TTC4: variants seen among roughly 807,000 people sequenced by gnomAD.
The protein encoded by TTC4 is hsp70/Hsp90 co-chaperone CNS1 homolog.
TTC4 carries 36 observed loss-of-function variants against 51.9 expected under a neutral mutation model. The observed-to-expected ratio is 0.69, with a 90% CI of 0.53 to 0.92. TTC4 has a LOEUF of 0.92. Ranked by LOEUF, TTC4 falls within the 40% of genes least tolerant of loss-of-function variation. The pLI, the probability that TTC4 is intolerant of heterozygous loss-of-function variation, is 0.00. For synonymous variants in TTC4, 144 were observed against 164.2 expected, an observed-to-expected ratio of 0.88 and a Z score of 0.94; for missense variants, 399 against 454.6, an observed-to-expected ratio of 0.88 and a Z score of 1.11.
chr1:54,733,898 T>G (rs1317847741), intron 8 of TTC4, among the ~76,000 whole-genome samples, 188 bp downstream of exon 8: 1 of 152,136 alleles, frequency 6.6e-6, no homozygotes, highest in East Asian at 1.9e-4. Flanking sequence ...TTCACATTGT[T>G]GTGCAACTAT....
intron 3 of TTC4, among the ~76,000 whole-genome samples, chr1:54,718,795 T>C (rs1276350630): frequency 1.3e-5 from 2 of 151,900 alleles, no homozygotes; most frequent in Non-Finnish European, 1.5e-5. Context: ...TTAAAAATAA[T>C]TTATTTTTTT....
At chr1:54,730,651 C>T (rs1181116572) in intron 6 of TTC4, among the ~76,000 whole-genome samples, 1 of 152,290 alleles carries the variant, frequency 6.6e-6, no homozygotes, top group South Asian at 2.1e-4. Flanking sequence ...ACCTTAGGCA[C>T]CCCTGCACAC....
At position 54,721,015 on chromosome 1, in the gene TTC4, C is replaced by G. The variant is rs558675777; in HGVS notation, c.392-148C>G. 4.5e-6 allele frequency: 3 copies of G among 660,764 alleles called. No homozygotes were observed. The African/African-American group carries it at 5.5e-5, about 12-fold the overall frequency. The allele number at this position is 660,764 out of a possible 1,614,324, so 40.9% of individuals were successfully genotyped here. A position where few individuals can be genotyped will look rare whatever the true frequency, so the allele number is the denominator to read the frequency against. ...TTATAGACATTTCTAAGGCTCTTGA[C>G]AAGTACAACCATATTTTTTCAAAAA... On this transcript the variant is annotated intron_variant, in intron 3 of 9. Transcript: ENST00000371281.
intron 1 of TTC4, 137 bp downstream of exon 1, chr1:54,716,156 A>G: frequency 1.4e-6 from 1 of 735,488 alleles, no homozygotes; most frequent in East Asian, 2.8e-5. Context: ...TGAGTATTGA[A>G]AATCGGCCTC....
At chr1:54,729,619 A>G (rs1038675756) in intron 6 of TTC4, among the ~76,000 whole-genome samples, 1 of 152,140 alleles carries the variant, frequency 6.6e-6, no homozygotes, top group Non-Finnish European at 1.5e-5. Flanking sequence ...TGAAATATAT[A>G]TAGTCTGACC....
intron 3 of TTC4, among the ~76,000 whole-genome samples, chr1:54,720,610 G>T (rs543311723): frequency 6.6e-6 from 1 of 150,856 alleles, no homozygotes; most frequent in African/African-American, 2.4e-5. Flanking sequence ...TCTTTTTAAT[G>T]GCTGCATAGT....
intron 9 of TTC4, 51 bp downstream of exon 9, chr1:54,737,715 A>T: frequency 1.3e-6 from 2 of 1,562,534 alleles, no homozygotes; most frequent in Non-Finnish European, 1.8e-6. Flanking sequence ...TCAGTGTATT[A>T]GTCCATTTTC....
In TTC4 at chr1:54,721,202, GAAAGCTAAAACCCTGCCACCTC is replaced by G; in HGVS notation, c.437_458del (p.Leu146GlnfsTer2). ...GCTCTCAATGATGTGACAGCTGCCA[GAAAGCTAAAACCCTGCCACCTC>G]AAAGCAATAATAAGAGGTAAGTCTT... On this transcript the variant is annotated frameshift_variant, in exon 4 of 10. Transcript: ENST00000371281. LOFTEE classifies it high-confidence loss of function. The G allele has an allele frequency of 6.2e-7, 1 of 1,613,498 alleles. No individual in the cohort carries two copies. The highest frequency in any genetic ancestry group is 2.2e-5 in the East Asian group (1 of 44,838).
chr1:54,734,741 T>A (rs1466881701), intron 8 of TTC4, among the ~76,000 whole-genome samples: 1 of 152,198 alleles, frequency 6.6e-6, no homozygotes, highest in Non-Finnish European at 1.5e-5. Flanking sequence ...TGGGATTTTT[T>A]AAATAAAAAA....
intron 6 of TTC4, among the ~76,000 whole-genome samples, chr1:54,730,693 C>G (rs560338825): frequency 9.9e-5 from 15 of 152,238 alleles, no homozygotes; most frequent in African/African-American, 3.4e-4. Flanking sequence ...TATTTCAGAC[C>G]CTTAATTTAT....
chr1:54,740,761 C>T (rs934654019), intron 9 of TTC4, among the ~76,000 whole-genome samples: 1 of 152,154 alleles, frequency 6.6e-6, no homozygotes, highest in Non-Finnish European at 1.5e-5. Flanking sequence ...GGCCAAAGCC[C>T]TCCCTGCCTC....
intron 9 of TTC4, among the ~76,000 whole-genome samples, chr1:54,741,068 G>A (rs1251400095): frequency 6.6e-6 from 1 of 152,152 alleles, no homozygotes; most frequent in Non-Finnish European, 1.5e-5. Flanking sequence ...AAAGATGATG[G>A]TGTGTGGGTG....
intron 6 of TTC4, among the ~76,000 whole-genome samples, chr1:54,731,228 G>T (rs115024801): frequency 5.9e-4 from 90 of 151,572 alleles, no homozygotes; most frequent in African/African-American, 1.6e-3. Flanking sequence ...GTTTTTTTTT[G>T]TTTGTTTGTT....
In TTC4 at chr1:54,717,456, G is replaced by A. The variant is rs535082039; in HGVS notation, c.230-36G>A. 16 of 1,442,178 alleles carry A rather than the reference G, an allele frequency of 1.1e-5. No individual in the cohort carries two copies. The African/African-American group carries it at 2.0e-4, about 18-fold the overall frequency. 89.3% of individuals were successfully genotyped at this position (1,442,178 alleles called of 1,614,324 possible). ...CTATTTTTAATGAGCCTTTTAAAAAGTAAGCAATAGTGATTATTTTTCCTC... is the reference window on the plus strand; with the variant it reads ...CTATTTTTAATGAGCCTTTTAAAAAATAAGCAATAGTGATTATTTTTCCTC... On this transcript the variant is annotated intron_variant, in intron 2 of 9. Transcript: ENST00000371281.
rs776701548 is a variant in TTC4, at chr1:54,741,554, G to T, written c.*41G>T. 7 of 1,521,818 alleles carry T rather than the reference G, an allele frequency of 4.6e-6. No homozygotes were observed. In the East Asian group the frequency reaches 1.6e-4, roughly 34 times the overall value. 94.3% of individuals were successfully genotyped at this position (1,521,818 alleles called of 1,614,324 possible). On this transcript the variant is annotated 3_prime_UTR_variant, in exon 10 of 10. Coordinates refer to ENST00000371281, the MANE Select transcript of TTC4 (RefSeq NM_004623.5). Reference sequence around the variant, plus strand: ...TGGATCTCCTCCCTTACCCTCCTCTGCTGGGAACCTAGCACACCTGAATCA... The same window carrying T: ...TGGATCTCCTCCCTTACCCTCCTCTTCTGGGAACCTAGCACACCTGAATCA...
rs955872096 is a variant in TTC4 at position 54,718,161 on chromosome 1, G to A, written c.391+508G>A. Among the ~76,000 whole-genome samples the A allele has an allele frequency of 2.0e-5, 3 of 152,008 alleles. No homozygotes were observed. In the East Asian group the frequency reaches 5.8e-4, roughly 29 times the overall value. The stretch of plus-strand genomic sequence containing the variant: ...TTTGGGAGGCTGAGACAGGAGGATC[G>A]CCTGAGGCCAGGAGTTCAAGACCAA... On this transcript the variant is annotated intron_variant, in intron 3 of 9. Coordinates refer to ENST00000371281, the MANE Select transcript of TTC4 (RefSeq NM_004623.5).
At chr1:54,739,511 C>G (rs1017328520) in intron 9 of TTC4, among the ~76,000 whole-genome samples, 1 of 152,152 alleles carries the variant, frequency 6.6e-6, no homozygotes, top group African/African-American at 2.4e-5. Context: ...GTAAACTGCA[C>G]AGGGCAGTCC....
chr1:54,741,622 C>A lies in TTC4; in HGVS notation c.*109C>A. 1.1e-6 allele frequency: 1 copy of A among 928,588 alleles called. No individual in the cohort carries two copies. The highest frequency in any genetic ancestry group is 1.4e-5 in the South Asian group (1 of 71,556). The allele number at this position is 928,588 out of a possible 1,614,324, so 57.5% of individuals were successfully genotyped here. On this transcript the variant is annotated 3_prime_UTR_variant, in exon 10 of 10. Coordinates refer to ENST00000371281, the MANE Select transcript of TTC4 (RefSeq NM_004623.5). ...AGTCCAGTGCTTTCTTTCCGTCACC[C>A]TGGGGATAGTCCTTCCTGGCATCGT...
chr1:54,727,529 A>C (rs900185865), intron 5 of TTC4, among the ~76,000 whole-genome samples: 9 of 147,554 alleles, frequency 6.1e-5, no homozygotes, highest in Admixed American at 1.3e-4. Flanking sequence ...GGATACCATC[A>C]AAAAAATGAA....
Sources: gnomAD v4.1 joint callset for allele counts (sites outside exome capture counted in the v4.1 genomes callset) on GRCh38, gnomAD v4.1.1 for gene constraint, MANE v1.5 for transcripts, NCBI Gene and HGNC (gene_info 2026-07-23, HGNC 2026-07-21) for gene names.